The following MYO3B variants were observed in gnomAD, a reference collection of about 807,000 sequenced individuals.
The protein encoded by MYO3B is myosin IIIB.
MYO3B carries 156 observed loss-of-function variants against 174.6 expected under a neutral mutation model. The observed-to-expected ratio is 0.89, with a 90% CI of 0.78 to 1.02. The LOEUF (loss-of-function observed/expected upper bound fraction) is 1.02. Among genes scored for constraint, MYO3B ranks in the 50% least tolerant of loss-of-function variants. The pLI is 0.00. For missense variants in MYO3B, 1,632 were observed against 1,639.4 expected, an observed-to-expected ratio of 1.00 and a Z score of 0.08; for synonymous variants, 563 against 569.1, an observed-to-expected ratio of 0.99 and a Z score of 0.15.
chr2:170,321,522 ACTTGAACAC>A (rs552601094), intron 7 of MYO3B, among the ~76,000 whole-genome samples: 14 of 152,334 alleles, frequency 9.2e-5, no homozygotes, highest in African/African-American at 3.4e-4. Context: ...TTGCGAATGA[ACTTGAACAC>A]CTTAATGAAA....
chr2:170,409,310 G>A (rs2105819894), intron 22 of MYO3B, among the ~76,000 whole-genome samples: 1 of 152,304 alleles, frequency 6.6e-6, no homozygotes, highest in East Asian at 1.9e-4. Flanking sequence ...GGGAGGAACA[G>A]GAACAAAGAG....
intron 25 of MYO3B, among the ~76,000 whole-genome samples, chr2:170,483,234 G>A (rs1685808105): frequency 6.6e-6 from 1 of 152,308 alleles, no homozygotes; most frequent in Non-Finnish European, 1.5e-5. Flanking sequence ...AATTAGTTCA[G>A]TTGTAGGAAA....
intron 7 of MYO3B, among the ~76,000 whole-genome samples, chr2:170,312,208 AC>A (rs2093744932): frequency 6.6e-6 from 1 of 152,184 alleles, no homozygotes; most frequent in Admixed American, 6.5e-5. Context: ...ATGTGTCTAG[AC>A]TACAGTTCAG....
At chr2:170,479,212 A>G (rs2106005266) in intron 25 of MYO3B, among the ~76,000 whole-genome samples, 1 of 150,592 alleles carries the variant, frequency 6.6e-6, no homozygotes, top group African/African-American at 2.4e-5. Flanking sequence ...TGAACCCGGG[A>G]AGCGGAGGTT....
intron 30 of MYO3B, among the ~76,000 whole-genome samples, chr2:170,541,016 C>G (rs1166535622): frequency 1.3e-5 from 2 of 152,136 alleles, no homozygotes; most frequent in African/African-American, 4.8e-5. Flanking sequence ...TTTTCTTAAA[C>G]ACACACAAAC....
chr2:170,334,035 A>G (rs1401287), intron 7 of MYO3B: 41,498 of 152,042 alleles, frequency 0.27, 6,332 homozygotes, highest in South Asian at 0.39. Context: ...CCAGTTTTCT[A>G]TCTGTTTGCT....
chr2:170,566,545 A>G (rs1404558864), intron 32 of MYO3B, among the ~76,000 whole-genome samples: 2 of 152,190 alleles, frequency 1.3e-5, no homozygotes, highest in African/African-American at 4.8e-5. Flanking sequence ...CTGATCTTAT[A>G]GAGGGAGTTA....
intron 25 of MYO3B, among the ~76,000 whole-genome samples, chr2:170,495,324 T>G (rs1252783675): frequency 6.6e-6 from 1 of 152,160 alleles, no homozygotes; most frequent in African/African-American, 2.4e-5. Context: ...GAATCCAAAA[T>G]TATTCCGTGA....
At chr2:170,572,184 A>C (rs77415117) in intron 32 of MYO3B, among the ~76,000 whole-genome samples, 11,258 of 152,024 alleles carry the variant, frequency 0.074, 679 homozygotes, top group East Asian at 0.25. Flanking sequence ...AATCCCAGCA[A>C]TTTAGGAGGC....
intron 9 of MYO3B, among the ~76,000 whole-genome samples, chr2:170,372,118 C>CAAAAA (rs769243145): frequency 0.036 from 776 of 21,646 alleles, 104 homozygotes; most frequent in Middle Eastern, 0.071. Flanking sequence ...GACCCTGTCT[C>CAAAAA]AAAAAAAAAA....
chr2:170,329,467 A>G (rs931234694), intron 7 of MYO3B, among the ~76,000 whole-genome samples: 3 of 150,942 alleles, frequency 2.0e-5, no homozygotes, highest in Non-Finnish European at 4.4e-5. Context: ...TGCAATCTCC[A>G]CCTCACAGGT....
chr2:170,405,430 C>T, intron 20 of MYO3B, 115 bp from the exon 21 acceptor site: 1 of 817,232 alleles, frequency 1.2e-6, no homozygotes, highest in South Asian at 1.6e-5. Flanking sequence ...TTGTTAATAT[C>T]AAGGCCTTAT....
intron 7 of MYO3B, among the ~76,000 whole-genome samples, chr2:170,270,939 C>G (rs2093421277): frequency 6.6e-6 from 1 of 152,232 alleles, no homozygotes; most frequent in Admixed American, 6.5e-5. Flanking sequence ...CCACTACAGC[C>G]AGTTCCACAT....
intron 6 of MYO3B, among the ~76,000 whole-genome samples, chr2:170,234,245 A>T (rs927724210): frequency 9.9e-5 from 15 of 151,992 alleles, no homozygotes; most frequent in African/African-American, 2.2e-4. Flanking sequence ...TCATGCTGCT[A>T]TAACAGATTA....
chr2:170,243,986 C>T (rs1339403295), intron 7 of MYO3B, among the ~76,000 whole-genome samples: 1 of 152,182 alleles, frequency 6.6e-6, no homozygotes, highest in Non-Finnish European at 1.5e-5. Context: ...TACATGAATG[C>T]TGTGACAGGA....
At chr2:170,631,828 A>G (rs529929892) in intron 32 of MYO3B, among the ~76,000 whole-genome samples, 7 of 152,322 alleles carry the variant, frequency 4.6e-5, no homozygotes, top group South Asian at 4.1e-4. Context: ...CGGAAAACAA[A>G]AAAAGGCAGG....
intron 6 of MYO3B, among the ~76,000 whole-genome samples, chr2:170,233,920 C>G (rs1314756485): frequency 6.6e-6 from 1 of 151,996 alleles, no homozygotes; most frequent in East Asian, 1.9e-4. Context: ...GCCTGTAATC[C>G]CAGCACTTTG....
chr2:170,236,217 C>A (rs1017180371), intron 7 of MYO3B, 81 bp downstream of exon 7: 97 of 1,455,880 alleles, frequency 6.7e-5, no homozygotes, highest in Middle Eastern at 5.5e-4. Context: ...AGTTTGCAAG[C>A]AATTTCTCTC....
chr2:170,272,082 C>T (rs1454959899), intron 7 of MYO3B, among the ~76,000 whole-genome samples: 1 of 147,240 alleles, frequency 6.8e-6, no homozygotes, highest in Non-Finnish European at 1.5e-5. Flanking sequence ...AGAAGGGAAA[C>T]TTTTTTTTTT....
Sources: allele counts gnomAD v4.1 joint callset (sites outside exome capture counted in the v4.1 genomes callset), GRCh38; gene constraint gnomAD v4.1.1; transcripts MANE v1.5; gene names NCBI Gene and HGNC (gene_info 2026-07-23, HGNC 2026-07-21).